Variants in CDH15 observed in about 807,000 individuals in gnomAD.
The protein encoded by CDH15 is cadherin-15.
In CDH15, 73 loss-of-function variants were observed where a neutral mutation model predicts 69.4. The ratio of observed to expected loss-of-function variants is 1.05; its 90% CI spans 0.87 to 1.28. CDH15 has a LOEUF of 1.28. Among genes scored for constraint, CDH15 ranks in the 50% most tolerant of loss-of-function variants. CDH15 has a pLI of 0.00. For synonymous variants in CDH15, 624 were observed against 507.7 expected (o/e 1.23, Z -3.08); for missense variants, 1,343 against 1,133.6 (o/e 1.18, Z -2.65).
At chr16:89,181,262 C>T (rs892617616) in intron 3 of CDH15, among the ~76,000 whole-genome samples, 1 of 152,154 alleles carries the variant, frequency 6.6e-6, no homozygotes, top group Non-Finnish European at 1.5e-5. Context: ...CTGTTCTGGG[C>T]AGTGGGGTTA....
chr16:89,189,464 C>A (rs566426078), intron 7 of CDH15, among the ~76,000 whole-genome samples: 32 of 152,380 alleles, frequency 2.1e-4, no homozygotes, highest in Middle Eastern at 3.4e-3. Flanking sequence ...ATCCTCTGAC[C>A]AGCTGGGACC....
intron 1 of CDH15, 137 bp from the exon 2 acceptor site, chr16:89,179,279 C>A: frequency 3.1e-6 from 3 of 970,048 alleles, no homozygotes; most frequent in Non-Finnish European, 4.7e-6. Context: ...AGCCGCCTTG[C>A]GCCAATGGGC....
Position 89,192,131 on chromosome 16 carries a change from T to A in CDH15, c.1616-74T>A, listed in dbSNP as rs1915661931. On this transcript the variant is annotated intron_variant, in intron 10 of 13. Coordinates refer to ENST00000289746, the MANE Select transcript of CDH15 (RefSeq NM_004933.3). Reference sequence around the variant, plus strand: ...CCAGGATCTCGGGATCCCCACCCTGTCTCGGCGCGAGGAGGGCAGGCGAAG... The same window carrying A: ...CCAGGATCTCGGGATCCCCACCCTGACTCGGCGCGAGGAGGGCAGGCGAAG... 3.4e-6 allele frequency: 5 copies of A among 1,463,796 alleles called. No individual in the cohort carries two copies. In the South Asian group the frequency reaches 5.4e-5, roughly 16 times the overall value. The allele number at this position is 1,463,796 out of a possible 1,614,324, so 90.7% of individuals were successfully genotyped here. A position where few individuals can be genotyped will look rare whatever the true frequency, so the allele number is the denominator to read the frequency against.
chr16:89,181,079 C>T (rs1915368567), intron 3 of CDH15, among the ~76,000 whole-genome samples: 1 of 152,046 alleles, frequency 6.6e-6, no homozygotes, highest in Admixed American at 6.6e-5. Context: ...AAGCAATTCT[C>T]CTGCTTCAGC....
At chr16:89,194,785 G>A (rs993816246) in intron 13 of CDH15, 77 bp from the exon 14 acceptor site, 2 of 1,448,784 alleles carry the variant, frequency 1.4e-6, no homozygotes, top group Non-Finnish European at 1.9e-6. Flanking sequence ...AGCTGACTTT[G>A]CCCTGGGCTG....
At chr16:89,188,740 G>A (rs1480981578) in intron 7 of CDH15, among the ~76,000 whole-genome samples, 9 of 130,486 alleles carry the variant, frequency 6.9e-5, no homozygotes, top group Non-Finnish European at 1.4e-4. Context: ...ACACACAGAT[G>A]CCGGCACACA....
In CDH15 at chr16:89,195,250, G is replaced by T; in HGVS notation, c.*95G>T. The T allele has an allele frequency of 7.8e-7, 1 of 1,283,184 alleles. No homozygotes were observed. Among genetic ancestry groups the T allele is most frequent in the South Asian group, 1.5e-5 (1 of 64,566 alleles). 79.5% of individuals were successfully genotyped at this position (1,283,184 alleles called of 1,614,324 possible). On this transcript the variant is annotated 3_prime_UTR_variant, in exon 14 of 14. Transcript: ENST00000289746. ...AGGTCACCGGGCCCGACCCCCCTGG[G>T]CCTGGGGCAGCCTCCTTCCTGTAGG...
chr16:89,179,685 G>C (rs910106804), intron 2 of CDH15, 111 bp downstream of exon 2: 5 of 1,142,160 alleles, frequency 4.4e-6, no homozygotes, highest in Non-Finnish European at 4.9e-6. Context: ...TTTCAGGACA[G>C]AGCTGAGGCA....
chr16:89,185,613 A>C, intron 5 of CDH15: 2 of 524,986 alleles, frequency 3.8e-6, no homozygotes, highest in African/African-American at 1.9e-5. Flanking sequence ...TCTCAGCCTC[A>C]TGGCAACGGC....
rs575456235 is a variant in CDH15 at position 89,175,049 on chromosome 16, C to T, written c.42+3176C>T. 1.5e-4 allele frequency among the ~76,000 whole-genome samples: 23 copies of T among 152,272 alleles called. No homozygotes were observed. In the East Asian group the frequency reaches 4.4e-3, roughly 29 times the overall value. On this transcript the variant is annotated intron_variant, in intron 1 of 13. Transcript: ENST00000289746. The stretch of plus-strand genomic sequence containing the variant: ...AGTGGGCCGTGGCCAGCCTGCTCAC[C>T]CACACCCACATTGGCCGTGATCTGG...
chr16:89,190,520 G>A (rs773497130), intron 8 of CDH15, 24 bp downstream of exon 8: 53 of 1,573,422 alleles, frequency 3.4e-5, no homozygotes, highest in Middle Eastern at 1.7e-4. Context: ...GGCCCTGGGA[G>A]AGGTAGAGGA....
In CDH15 at chr16:89,192,504, C is replaced by T. The variant is rs752699952; in HGVS notation, c.1855+60C>T. ...GACCCTCGGACCCTCCTCCCCAGGC[C>T]GTCCCCTGCTAACCAGCCACGCCGC... On this transcript the variant is annotated intron_variant, in intron 11 of 13. Transcript: ENST00000289746. The T allele has an allele frequency of 2.9e-5, 44 of 1,541,034 alleles. No individual in the cohort carries two copies. The South Asian group carries it at 5.0e-4, about 17-fold the overall frequency.
chr16:89,174,275 C>T (rs572799135), intron 1 of CDH15, among the ~76,000 whole-genome samples: 11 of 152,318 alleles, frequency 7.2e-5, no homozygotes, highest in Admixed American at 4.6e-4. Context: ...CATCCAGGAA[C>T]GGGGTGGCCC....
intron 3 of CDH15, among the ~76,000 whole-genome samples, chr16:89,181,093 C>G (rs1915368835): frequency 6.6e-6 from 1 of 152,020 alleles, no homozygotes; most frequent in Non-Finnish European, 1.5e-5. Flanking sequence ...CTTCAGCCTC[C>G]TGAGTATCTG....
At position 89,190,441 on chromosome 16, in the gene CDH15, C is replaced by G. The variant is rs1915613302; in HGVS notation, c.1177C>G (p.Leu393Val). Reference protein sequence around the residue: ...SLAEGAPPGTLVATFSARDPD... With the variant: ...SLAEGAPPGTVVATFSARDPD... ...AGCAGAGGGGGCACCCCCAGGCACT[C>G]TGGTGGCCACCTTCTCTGCCCGGGA... The change falls in exon 8 of 14, where the codon CTG (leucine) becomes GTG (valine). Residue 393 changes from leucine (L) to valine (V), a missense_variant. Leu to Val is a conservative substitution (Grantham distance 32). Transcript: ENST00000289746. 6.2e-7 allele frequency: 1 copy of G among 1,607,536 alleles called. No homozygotes were observed. The highest frequency in any genetic ancestry group is 8.5e-7 in the Non-Finnish European group (1 of 1,178,042).
Position 89,194,882 on chromosome 16 carries a change from T to C in CDH15, c.2172T>C (p.Ser724=), listed in dbSNP as rs1915763346. The C allele has an allele frequency of 7.5e-6, 12 of 1,606,264 alleles. No individual in the cohort carries two copies. The highest frequency in any genetic ancestry group is 1.0e-5 in the Non-Finnish European group (12 of 1,176,570). The change falls in exon 14 of 14, where the codon AGT becomes AGC. Residue 724 remains serine, a synonymous_variant. Transcript: ENST00000289746. The part of the protein sequence containing the change: ...FINDGLEAAD[S]DPSVPPYDTA... ...TATAGGGCTTGGAGGCTGCAGATAG[T>C]GACCCCAGTGTGCCGCCTTACGACA...
chr16:89,189,852 C>T (rs34126865), intron 7 of CDH15, among the ~76,000 whole-genome samples: 1 of 152,340 alleles, frequency 6.6e-6, no homozygotes, highest in South Asian at 2.1e-4. Context: ...GCCGACGCAG[C>T]AGTTTAGAGG....
intron 2 of CDH15, 57 bp downstream of exon 2, chr16:89,179,631 C>G: frequency 6.7e-7 from 1 of 1,483,654 alleles, no homozygotes; most frequent in Middle Eastern, 1.8e-4. Flanking sequence ...CCCAGTGGGC[C>G]TCCCTCATTC....
chr16:89,179,687 G>T, intron 2 of CDH15, 113 bp downstream of exon 2: 4 of 1,107,240 alleles, frequency 3.6e-6, no homozygotes, highest in Non-Finnish European at 5.1e-6. Flanking sequence ...TCAGGACAGA[G>T]CTGAGGCAGG....
Sources: gnomAD v4.1 joint callset for allele counts (sites outside exome capture counted in the v4.1 genomes callset) on GRCh38, gnomAD v4.1.1 for gene constraint, MANE v1.5 for transcripts, NCBI Gene and HGNC (gene_info 2026-07-23, HGNC 2026-07-21) for gene names.